The following MEI1 variants were observed in gnomAD, a reference collection of about 807,000 sequenced individuals.
MEI1 encodes the protein meiotic double-stranded break formation protein 1, also known as meiosis inhibitor protein 1.
A neutral mutation model predicts 146.2 loss-of-function variants in MEI1; 103 were observed. The ratio of observed to expected loss-of-function variants is 0.70; its 90% CI spans 0.60 to 0.83. The LOEUF (loss-of-function observed/expected upper bound fraction) is 0.83. Among genes scored for constraint, MEI1 ranks in the 40% least tolerant of loss-of-function variants. The probability of loss-of-function intolerance (pLI) is 0.00; values close to 1 mark genes in which losing one functional copy is unlikely to be tolerated. For synonymous variants in MEI1, 652 were observed against 628.2 expected, an observed-to-expected ratio of 1.04 and a Z score of -0.57; for missense variants, 1,529 against 1,533.0, an observed-to-expected ratio of 1.00 and a Z score of 0.04.
intron 6 of MEI1, 95 bp from the exon 7 acceptor site, chr22:41,723,848 A>G: frequency 7.0e-7 from 1 of 1,426,454 alleles, no homozygotes; most frequent in Non-Finnish European, 9.5e-7. Context: ...TAGAGGGATG[A>G]AGAAGTTTCT....
intron 19 of MEI1, chr22:41,767,747 T>C (rs2074948665): frequency 2.5e-6 from 1 of 392,602 alleles, no homozygotes; most frequent in Admixed American, 2.7e-5. Context: ...ATCAAACAAG[T>C]TCCTTGCCCT....
chr22:41,758,319 C>G, intron 17 of MEI1, 46 bp from the exon 18 acceptor site: 1 of 1,576,620 alleles, frequency 6.3e-7, no homozygotes, highest in Non-Finnish European at 8.7e-7. Flanking sequence ...ATTACCTGTT[C>G]TTCTATGTTC....
At chr22:41,724,703 AT>A (rs1015285565) in intron 7 of MEI1, among the ~76,000 whole-genome samples, 14 of 151,464 alleles carry the variant, frequency 9.2e-5, no homozygotes, top group Admixed American at 1.3e-4. Context: ...AGGTGGGAGG[AT>A]TGCTCGAACC....
At chr22:41,749,319 G>T (rs546333932) in intron 15 of MEI1, among the ~76,000 whole-genome samples, 1 of 151,436 alleles carries the variant, frequency 6.6e-6, no homozygotes, top group Non-Finnish European at 1.5e-5. Context: ...CTTGTTGCCC[G>T]GGCTAGAGTG....
Position 41,699,615 on chromosome 22 carries a change from G to A in MEI1, c.77G>A (p.Arg26Lys). Residue 26 changes from arginine to lysine, a missense_variant, in exon 1 of 31, where the codon AGG (arginine) becomes AAG (lysine). Arg to Lys is a conservative substitution (Grantham distance 26). Transcript: ENST00000401548. ...REEEAALLFE[R>K]AHYRHDPRWL... is the part of the protein sequence containing the mutation. Reference sequence around the variant, plus strand: ...GAAGAGGCGGCGCTTCTATTCGAGAGGGCCCATTACCGGCACGACCCGCGC... The same window carrying A: ...GAAGAGGCGGCGCTTCTATTCGAGAAGGCCCATTACCGGCACGACCCGCGC... The A allele has an allele frequency of 3.7e-6, 6 of 1,612,316 alleles. No individual in the cohort carries two copies. Among genetic ancestry groups the A allele is most frequent in the Non-Finnish European group, 5.1e-6 (6 of 1,179,296 alleles).
intron 28 of MEI1, among the ~76,000 whole-genome samples, chr22:41,794,901 TAAC>T (rs897604586): frequency 1.8e-4 from 28 of 152,106 alleles, no homozygotes; most frequent in African/African-American, 6.5e-4. Context: ...CTTGAATAAA[TAAC>T]AAAGCAGCAG....
At chr22:41,721,319 G>T (rs572213939) in intron 6 of MEI1, among the ~76,000 whole-genome samples, 3 of 135,764 alleles carry the variant, frequency 2.2e-5, no homozygotes, top group East Asian at 2.3e-4. Flanking sequence ...ATCTCGGCTC[G>T]CTGCAACCTC....
chr22:41,722,986 A>G (rs2071000755), intron 6 of MEI1, among the ~76,000 whole-genome samples: 1 of 152,042 alleles, frequency 6.6e-6, no homozygotes, highest in Non-Finnish European at 1.5e-5. Flanking sequence ...TCCCCCAGCC[A>G]TTCTGGCTTT....
chr22:41,724,860 G>A (rs62239561), intron 7 of MEI1, among the ~76,000 whole-genome samples: 49,882 of 150,720 alleles, frequency 0.33, 9,365 homozygotes, highest in Non-Finnish European at 0.43. Flanking sequence ...CTGGAATGTA[G>A]TGGCACAATC....
At chr22:41,727,039 C>G (rs992773508) in intron 7 of MEI1, among the ~76,000 whole-genome samples, 1 of 152,058 alleles carries the variant, frequency 6.6e-6, no homozygotes, top group African/African-American at 2.4e-5. Flanking sequence ...TCCCTAATTT[C>G]TAAACTCCTT....
Position 41,732,586 on chromosome 22 carries a change from C to T in MEI1, c.1314C>T (p.Ala438=). ...VLEVAAEALK[A]TSAFLRKDHQ... ...AGGTGGCTGCTGAGGCCTTGAAGGC[C>T]ACTTCTGCTTTTCTGAGGTGAGAGA... Residue 438 remains alanine (A), a synonymous_variant, in exon 11 of 31, where the codon GCC becomes GCT. Transcript: ENST00000401548. 6.2e-7 allele frequency: 1 copy of T among 1,613,290 alleles called. No individual in the cohort carries two copies. Among genetic ancestry groups the T allele is most frequent in the Non-Finnish European group, 8.5e-7 (1 of 1,179,764 alleles).
intron 20 of MEI1, 85 bp from the exon 21 acceptor site, chr22:41,776,017 C>A (rs2148099019): frequency 1.5e-6 from 2 of 1,374,028 alleles, no homozygotes; most frequent in Non-Finnish European, 2.0e-6. Flanking sequence ...AATTATGGGC[C>A]CTTTTCCTGC....
intron 6 of MEI1, among the ~76,000 whole-genome samples, chr22:41,721,578 A>G (rs2070806252): frequency 6.6e-6 from 1 of 150,462 alleles, no homozygotes; most frequent in African/African-American, 2.4e-5. Flanking sequence ...TTTTTTGTAG[A>G]GTCTGGGTCT....
chr22:41,705,479 C>A, intron 2 of MEI1, 25 bp from the exon 3 acceptor site: 1 of 1,612,874 alleles, frequency 6.2e-7, no homozygotes, highest in Non-Finnish European at 8.5e-7. Context: ...CTAACCACCC[C>A]TTTCTTACCT....
At chr22:41,730,183 G>C (rs1357435957) in intron 8 of MEI1, among the ~76,000 whole-genome samples, 17 of 152,158 alleles carry the variant, frequency 1.1e-4, no homozygotes, top group Non-Finnish European at 8.8e-5. Context: ...GGGATAAAAA[G>C]TCAAGTCTCT....
At position 41,784,339 on chromosome 22, in the gene MEI1, G is replaced by T; in HGVS notation, c.3088G>T (p.Val1030Phe). Residue 1030 changes from valine to phenylalanine, a missense_variant and splice_region_variant, in exon 25 of 31, where the codon GTT (valine) becomes TTT (phenylalanine). Around this residue, in one of 3 missense-constraint regions of MEI1, gnomAD observed 313 missense variants for 337.3 expected, o/e 0.93. Transcript: ENST00000401548. ...AGCCCTTTACCCTGTGCCCTGCCAG[G>T]TTCACCAGACACTCTCTGTGGAAAT... is the stretch of plus-strand genomic sequence containing the variant. ...SAQQHKGSLQVHQTLSVEMDQ... is the reference protein window; with the variant it reads ...SAQQHKGSLQFHQTLSVEMDQ... The T allele has an allele frequency of 1.2e-6, 2 of 1,613,616 alleles. No individual in the cohort carries two copies. The highest frequency in any genetic ancestry group is 1.7e-6 in the Non-Finnish European group (2 of 1,179,820).
intron 18 of MEI1, among the ~76,000 whole-genome samples, chr22:41,761,690 A>G (rs1211582621): frequency 2.0e-5 from 3 of 152,156 alleles, no homozygotes; most frequent in African/African-American, 4.8e-5. Context: ...TAAAGTGAAC[A>G]ATTCAGTGGT....
Position 41,723,941 on chromosome 22 carries a change from A to G in MEI1, c.734-2A>G, listed in dbSNP as rs528892732. 27 of 1,592,848 alleles carry G rather than the reference A, an allele frequency of 1.7e-5. No individual in the cohort carries two copies. Among genetic ancestry groups the G allele is most frequent in the Non-Finnish European group, 2.2e-5 (26 of 1,169,442 alleles). On this transcript the variant is annotated splice_acceptor_variant, in intron 6 of 30. Coordinates refer to ENST00000401548, the MANE Select transcript of MEI1 (RefSeq NM_152513.4). LOFTEE classifies it high-confidence loss of function. ...TTACTTCCCAATCCCTTTGTTTCCTAGGTTTGCTGAGGCAGCTGTTGAAGT... is the reference window on the plus strand; with the variant it reads ...TTACTTCCCAATCCCTTTGTTTCCTGGGTTTGCTGAGGCAGCTGTTGAAGT...
At chr22:41,732,157 T>C in intron 9 of MEI1, 88 bp from the exon 10 acceptor site, 1 of 1,027,168 alleles carries the variant, frequency 9.7e-7, no homozygotes, top group Non-Finnish European at 1.5e-6. Flanking sequence ...TCATACATGC[T>C]GTCCAGAGCC....
Sources: gnomAD v4.1 joint callset for allele counts (sites outside exome capture counted in the v4.1 genomes callset) on GRCh38, gnomAD v4.1.1 for gene constraint, gnomAD v4.1.1 regional missense constraint, MANE v1.5 for transcripts, NCBI Gene and HGNC (gene_info 2026-07-23, HGNC 2026-07-21) for gene names.